Variants in KCNN2 observed in about 807,000 individuals in gnomAD.
The protein encoded by KCNN2 is potassium calcium-activated channel subfamily N member 2.
In KCNN2, 24 loss-of-function variants were observed where a neutral mutation model predicts 55.5. The ratio of observed to expected loss-of-function variants is 0.43; its 90% CI spans 0.31 to 0.61. KCNN2 has a LOEUF of 0.61. Ranked by LOEUF, KCNN2 falls within the 20% of genes least tolerant of loss-of-function variation. The pLI is 0.08. For synonymous variants in KCNN2, 431 were observed against 336.1 expected (o/e 1.28, Z -3.09); for missense variants, 754 against 853.6 (o/e 0.88, Z 1.45).
At chr5:114,346,205 A>C (rs1757101427) in intron 2 of KCNN2, among the ~76,000 whole-genome samples, 1 of 152,140 alleles carries the variant, frequency 6.6e-6, no homozygotes, top group Non-Finnish European at 1.5e-5. Flanking sequence ...ACACTCACTC[A>C]CTATTGTGAA....
At chr5:114,234,881 A>C (rs1754442558) in intron 2 of KCNN2, among the ~76,000 whole-genome samples, 1 of 152,180 alleles carries the variant, frequency 6.6e-6, no homozygotes, top group Non-Finnish European at 1.5e-5. Flanking sequence ...CATTTGGTTA[A>C]GCAAGTTCAG....
intron 2 of KCNN2, among the ~76,000 whole-genome samples, chr5:114,234,450 C>T (rs1158440977): frequency 2.0e-5 from 3 of 152,162 alleles, no homozygotes; most frequent in Non-Finnish European, 2.9e-5. Flanking sequence ...TTCTTCTTTG[C>T]TCATGTGCCA....
chr5:114,439,146 C>T (rs185497779), intron 3 of KCNN2, among the ~76,000 whole-genome samples: 15 of 152,200 alleles, frequency 9.9e-5, no homozygotes, highest in Middle Eastern at 3.4e-3. Flanking sequence ...GACAAATGGA[C>T]GCCCATAGCT....
intron 6 of KCNN2, among the ~76,000 whole-genome samples, chr5:114,489,540 C>T (rs1747746755): frequency 6.6e-6 from 1 of 152,178 alleles, no homozygotes; most frequent in South Asian, 2.1e-4. Context: ...AGATAAGCTT[C>T]AGGCAACTCA....
chr5:114,274,462 C>T (rs1006829797), intron 2 of KCNN2, among the ~76,000 whole-genome samples: 1 of 152,174 alleles, frequency 6.6e-6, no homozygotes, highest in Non-Finnish European at 1.5e-5. Context: ...TTTTTCCTAT[C>T]CATGAGCATG....
chr5:114,323,649 A>ATTTTTTTTTTTTTTTTTTTTTT (rs6149185), intron 2 of KCNN2, among the ~76,000 whole-genome samples: 2,261 of 85,100 alleles, frequency 0.027, 500 homozygotes, highest in Non-Finnish European at 0.038. Context: ...AAACATATCA[A>ATTTTTTTTTTTTTTTTTTTTTT]TTTTTTTTTT....
chr5:114,399,197 A>G (rs1046388166), intron 2 of KCNN2, among the ~76,000 whole-genome samples: 4 of 152,060 alleles, frequency 2.6e-5, no homozygotes, highest in Non-Finnish European at 4.4e-5. Flanking sequence ...GATTGCTCTT[A>G]TTATTTTAAA....
At chr5:114,125,198 C>T (rs1302624606) in intron 1 of KCNN2, among the ~76,000 whole-genome samples, 2 of 152,118 alleles carry the variant, frequency 1.3e-5, no homozygotes, top group African/African-American at 4.8e-5. Flanking sequence ...TTTGTACCCT[C>T]ATGGTAGGTG....
chr5:114,447,447 T>C (rs1273003318), intron 3 of KCNN2, among the ~76,000 whole-genome samples: 1 of 152,248 alleles, frequency 6.6e-6, no homozygotes, highest in African/African-American at 2.4e-5. Context: ...TTGGGAAGTA[T>C]AGTTTAACAG....
chr5:114,074,489 G>A (rs979873127), intron 1 of KCNN2, among the ~76,000 whole-genome samples: 6 of 152,146 alleles, frequency 3.9e-5, no homozygotes, highest in African/African-American at 1.2e-4. Context: ...AAGAATGCTC[G>A]AAAGAACAGA....
intron 2 of KCNN2, among the ~76,000 whole-genome samples, chr5:114,238,567 A>G (rs948044356): frequency 7.2e-5 from 11 of 151,778 alleles, no homozygotes; most frequent in Non-Finnish European, 1.6e-4. Context: ...CAGAGGTTGC[A>G]GTGAGCCAAG....
intron 2 of KCNN2, among the ~76,000 whole-genome samples, chr5:114,225,655 G>A (rs1357690970): frequency 6.6e-6 from 1 of 150,408 alleles, no homozygotes; most frequent in African/African-American, 2.5e-5. Context: ...GAACACCAAG[G>A]ATAAAGAAAA....
intron 1 of KCNN2, among the ~76,000 whole-genome samples, chr5:114,144,819 G>A (rs1434976678): frequency 1.4e-5 from 2 of 139,712 alleles, no homozygotes; most frequent in Admixed American, 7.5e-5. Flanking sequence ...TGGGGTGGGG[G>A]GAATAGGTTG....
At chr5:114,088,338 A>G (rs1236614634) in intron 1 of KCNN2, among the ~76,000 whole-genome samples, 2 of 151,604 alleles carry the variant, frequency 1.3e-5, no homozygotes, top group East Asian at 3.9e-4. Context: ...CATTAAGATT[A>G]TGATGTGCTT....
chr5:114,209,287 T>G (rs1472786921), intron 1 of KCNN2, among the ~76,000 whole-genome samples: 2 of 152,040 alleles, frequency 1.3e-5, no homozygotes, highest in Non-Finnish European at 2.9e-5. Flanking sequence ...TAGATTTGCT[T>G]CTTCCTCATG....
intron 2 of KCNN2, among the ~76,000 whole-genome samples, chr5:114,342,200 C>G (rs939454104): frequency 1.6e-5 from 2 of 127,914 alleles, no homozygotes; most frequent in Non-Finnish European, 3.4e-5. Context: ...TGTGCCCGGC[C>G]CATAATTTTT....
chr5:114,340,356 G>T (rs907394606), intron 2 of KCNN2, among the ~76,000 whole-genome samples: 1 of 152,006 alleles, frequency 6.6e-6, no homozygotes, highest in African/African-American at 2.4e-5. Context: ...TTAGCCCACT[G>T]ATTATGTGCC....
intron 2 of KCNN2, among the ~76,000 whole-genome samples, chr5:114,371,862 G>A (rs1336278945): frequency 6.6e-6 from 1 of 152,032 alleles, no homozygotes; most frequent in Non-Finnish European, 1.5e-5. Context: ...TCTTCCAGTG[G>A]GGCTGTTACC....
At chr5:114,208,658 T>C (rs1753819215) in intron 1 of KCNN2, among the ~76,000 whole-genome samples, 1 of 152,162 alleles carries the variant, frequency 6.6e-6, no homozygotes, top group Non-Finnish European at 1.5e-5. Flanking sequence ...TATGATTCTA[T>C]GAAAAATGAG....
Sources: allele counts gnomAD v4.1 joint callset (sites outside exome capture counted in the v4.1 genomes callset), GRCh38; gene constraint gnomAD v4.1.1; transcripts MANE v1.5; gene names NCBI Gene and HGNC (gene_info 2026-07-23, HGNC 2026-07-21).